The following CIITA variants were observed in gnomAD, a reference collection of about 807,000 sequenced individuals.
CIITA encodes MHC class II transactivator.
CIITA carries 72 observed loss-of-function variants against 115.1 expected under a neutral mutation model. That is an observed-to-expected ratio of 0.63 (90% CI 0.52 to 0.76). The LOEUF (loss-of-function observed/expected upper bound fraction) is 0.76, where lower values mean the gene tolerates loss of function less well. Ranked by LOEUF, CIITA falls within the 30% of genes least tolerant of loss-of-function variation. The probability of loss-of-function intolerance (pLI) is 0.00; values close to 1 mark genes in which losing one functional copy is unlikely to be tolerated. For missense variants in CIITA, 1,617 were observed against 1,463.8 expected, an observed-to-expected ratio of 1.10 and a Z score of -1.71; for synonymous variants, 763 against 635.6, an observed-to-expected ratio of 1.20 and a Z score of -3.02.
downstream of CIITA, chr16:10,937,810 CAATT>C (rs2041049916): frequency 6.6e-6 from 1 of 152,208 alleles, no homozygotes. This position sits in a 1 kb window ranked among gnomAD's most constrained non-coding sequence, Gnocchi z 4.2. Context: ...TCCTGGGCAA[CAATT>C]AACACTCTAG....
intron 5 of CIITA, among the ~76,000 whole-genome samples, chr16:10,900,458 G>A (rs987715070): frequency 7.9e-5 from 12 of 151,382 alleles, no homozygotes; most frequent in East Asian, 1.9e-4. Context: ...GAAAGTTTTC[G>A]GCCAGGCGTG....
At position 10,878,024 on chromosome 16, in the gene CIITA, G is replaced by A. The variant is rs75119702; in HGVS notation, c.52+642G>A. ...CCCTGAAGAAGTCGTTTACATTCTCGAGTCAATTTTCCTGGAGTGTACAAT... is the reference window on the plus strand; with the variant it reads ...CCCTGAAGAAGTCGTTTACATTCTCAAGTCAATTTTCCTGGAGTGTACAAT... On this transcript the variant is annotated intron_variant, in intron 1 of 19. Transcript: ENST00000324288. Among the ~76,000 whole-genome samples the A allele has an allele frequency of 3.9e-3, 601 of 152,274 alleles. 5 individuals carry two copies. Among genetic ancestry groups the A allele is most frequent in the African/African-American group, 0.014 (579 of 41,532 alleles).
chr16:10,903,521 C>A (rs544699311), intron 8 of CIITA, among the ~76,000 whole-genome samples: 13 of 152,284 alleles, frequency 8.5e-5, no homozygotes, highest in African/African-American at 3.1e-4. Context: ...GCACCCATTT[C>A]ACAGATTGGA....
chr16:10,871,262 G>A (rs1056973127), intron 1 of CIITA, among the ~76,000 whole-genome samples: 2 of 152,222 alleles, frequency 1.3e-5, no homozygotes, highest in Non-Finnish European at 2.9e-5. Flanking sequence ...TCAGCCTTGA[G>A]GCTGGCGTCT....
intron 16 of CIITA, among the ~76,000 whole-genome samples, chr16:10,921,147 G>C (rs909957169): frequency 6.6e-6 from 1 of 152,232 alleles, no homozygotes; most frequent in Non-Finnish European, 1.5e-5. Context: ...GATTACAGGC[G>C]TGAGCCACTG....
At chr16:10,911,362 CTCTG>C (rs146199691) in intron 13 of CIITA, among the ~76,000 whole-genome samples, 39,238 of 125,216 alleles carry the variant, frequency 0.31, 5,617 homozygotes, top group South Asian at 0.41. Context: ...TTTTCTTTCT[CTCTG>C]TTTCTTTCTT....
In CIITA at chr16:10,877,371, C is replaced by CAG; in HGVS notation, c.44_45dup (p.Pro16SerfsTer16). Reference sequence around the variant, plus strand: ...CCACGCCCTGCTGGGTCCTACCTGTCAGAGCCCCAAGGTAAAAAGGCCGGG... The same window carrying CAG: ...CCACGCCCTGCTGGGTCCTACCTGTCAGAGAGCCCCAAGGTAAAAAGGCCGGG... On this transcript the variant is annotated frameshift_variant, in exon 1 of 20. Coordinates refer to ENST00000324288, the MANE Select transcript of CIITA (RefSeq NM_000246.4). LOFTEE classifies it high-confidence loss of function. 1 of 1,613,274 alleles carries CAG rather than the reference C, an allele frequency of 6.2e-7. No individual in the cohort carries two copies. Among genetic ancestry groups the CAG allele is most frequent in the Non-Finnish European group, 8.5e-7 (1 of 1,179,574 alleles).
chr16:10,932,127 G>T lies in CIITA; in HGVS notation c.*8272G>T, dbSNP rs1289380357. ...CACACAGTGAGTCGAGGACAGGGAG[G>T]TGACCCCAGGTTTCTATGTGTAGGG... On this transcript the variant is annotated 3_prime_UTR_variant, in exon 20 of 20. Coordinates refer to ENST00000324288, the MANE Select transcript of CIITA (RefSeq NM_000246.4). 6.6e-6 allele frequency: 1 copy of T among 152,226 alleles called. No homozygotes were observed. The highest frequency in any genetic ancestry group is 1.5e-5 in the Non-Finnish European group (1 of 68,076). The allele number at this position is 152,226 out of a possible 1,614,324, so 9.4% of individuals were successfully genotyped here.
chr16:10,867,207 G>A (rs1171869745), intron 1 of CIITA, among the ~76,000 whole-genome samples: 1 of 151,696 alleles, frequency 6.6e-6, no homozygotes, highest in East Asian at 1.9e-4. Context: ...TCACGCTACT[G>A]CACTCCAGTC....
rs755343798 is a variant in CIITA at position 10,902,162 on chromosome 16, G to A, written c.606G>A (p.Leu202=). Residue 202 remains leucine, a synonymous_variant, in exon 7 of 20, where the codon CTG becomes CTA. Transcript: ENST00000324288. ...NQEPASGQMR[L]EKTDQIPMPF... ...AGCCAGCCTCCGGCCAGATGCGCCT[G>A]GAGAAAACCGACCAGATTCCCAGTA... 4 of 1,614,158 alleles carry A rather than the reference G, an allele frequency of 2.5e-6. No homozygotes were observed. The highest frequency in any genetic ancestry group is 2.2e-5 in the East Asian group (1 of 44,876).
In CIITA at chr16:10,933,588, A is replaced by G. The variant is rs1418957458; in HGVS notation, c.*9733A>G. Reference sequence around the variant, plus strand: ...CCACCACATTGGGCTGTTTGTGTCCATGGAGTGCCTGACAATACCCAGCAC... The same window carrying G: ...CCACCACATTGGGCTGTTTGTGTCCGTGGAGTGCCTGACAATACCCAGCAC... On this transcript the variant is annotated 3_prime_UTR_variant, in exon 20 of 20. Coordinates refer to ENST00000324288, the MANE Select transcript of CIITA (RefSeq NM_000246.4). 1 of 152,270 alleles carries G rather than the reference A, an allele frequency of 6.6e-6. No individual in the cohort carries two copies. Among genetic ancestry groups the G allele is most frequent in the Admixed American group, 6.5e-5 (1 of 15,284 alleles). The allele number at this position is 152,270 out of a possible 1,614,324, so 9.4% of individuals were successfully genotyped here. A position where few individuals can be genotyped will look rare whatever the true frequency, so the allele number is the denominator to read the frequency against.
chr16:10,893,535 A>G (rs1460800746), intron 1 of CIITA, among the ~76,000 whole-genome samples: 1 of 152,142 alleles, frequency 6.6e-6, no homozygotes, highest in Non-Finnish European at 1.5e-5. Flanking sequence ...CTTAAAAAGT[A>G]CAGTTCATGC....
Position 10,895,428 on chromosome 16 carries a change from G to C in CIITA, c.199G>C (p.Glu67Gln). The C allele has an allele frequency of 1.2e-6, 2 of 1,613,530 alleles. No individual in the cohort carries two copies. The highest frequency in any genetic ancestry group is 1.7e-6 in the Non-Finnish European group (2 of 1,180,008). The change falls in exon 2 of 20, where the codon GAA becomes CAA. Residue 67 changes from glutamate to glutamine, a missense_variant and splice_region_variant. Coordinates refer to ENST00000324288, the MANE Select transcript of CIITA (RefSeq NM_000246.4). Reference protein sequence around the residue: ...AGEEEIELYSEPDTDTINCDQ... With the variant: ...AGEEEIELYSQPDTDTINCDQ... ...AGAAGAAGAGATTGAGCTCTACTCA[G>C]GTGGGCCCTCCTCCCTCTGGTCTCT...
upstream of CIITA, among the ~76,000 whole-genome samples, chr16:10,873,171 CTA>C (rs1316784633): frequency 6.6e-6 from 1 of 152,118 alleles, no homozygotes; most frequent in Non-Finnish European, 1.5e-5. Context: ...TGAGGTCTCG[CTA>C]TGTTTCCCAC....
intron 13 of CIITA, among the ~76,000 whole-genome samples, chr16:10,914,784 G>A (rs1193100702): frequency 2.0e-5 from 3 of 152,180 alleles, no homozygotes; most frequent in Non-Finnish European, 4.4e-5. Flanking sequence ...GATCTAGGCC[G>A]AGGGAAGGGC....
chr16:10,891,729 T>C (rs1004787306), intron 1 of CIITA, among the ~76,000 whole-genome samples: 1 of 152,172 alleles, frequency 6.6e-6, no homozygotes, highest in African/African-American at 2.4e-5. Context: ...TGTGCCTGTG[T>C]CCCTGACCAA....
chr16:10,895,879 T>C, intron 3 of CIITA, 115 bp downstream of exon 3: 2 of 1,006,662 alleles, frequency 2.0e-6, no homozygotes, highest in East Asian at 2.6e-5. Flanking sequence ...ACAGAAATCA[T>C]TGCAAGGGGG....
chr16:10,907,626 C>T lies in CIITA; in HGVS notation c.2134C>T (p.Leu712Phe). 1.9e-6 allele frequency: 3 copies of T among 1,614,262 alleles called. No homozygotes were observed. Among genetic ancestry groups the T allele is most frequent in the Non-Finnish European group, 2.5e-6 (3 of 1,180,036 alleles). Reference protein sequence around the residue: ...AESELAFPSFLLQCFLGALWL... With the variant: ...AESELAFPSFFLQCFLGALWL... Reference sequence around the variant, plus strand: ...GTCCGAGCTGGCCTTCCCCAGCTTCCTCCTGCAATGCTTCCTGGGGGCCCT... The same window carrying T: ...GTCCGAGCTGGCCTTCCCCAGCTTCTTCCTGCAATGCTTCCTGGGGGCCCT... The change falls in exon 11 of 20, where the codon CTC becomes TTC. Residue 712 changes from leucine to phenylalanine, a missense_variant. Leu to Phe is a conservative substitution (Grantham distance 22). Transcript: ENST00000324288. This position sits in a 1 kb window ranked among gnomAD's most constrained non-coding sequence, Gnocchi z 5.0.
At chr16:10,883,626 G>T (rs1280019846) in intron 1 of CIITA, among the ~76,000 whole-genome samples, 1 of 152,170 alleles carries the variant, frequency 6.6e-6, no homozygotes, top group East Asian at 1.9e-4. Context: ...CTTTTGTGGG[G>T]TCCTGTAGGA....
Sources: gnomAD v4.1 joint callset for allele counts (sites outside exome capture counted in the v4.1 genomes callset) on GRCh38, gnomAD v4.1.1 for gene constraint, Gnocchi (gnomAD v3.1) non-coding constraint, MANE v1.5 for transcripts, NCBI Gene and HGNC (gene_info 2026-07-23, HGNC 2026-07-21) for gene names.